MTRF1: variants seen among roughly 807,000 people sequenced by gnomAD.
The protein encoded by MTRF1 is mitochondrial translation release factor 1, also known as peptide chain release factor 1, mitochondrial.
MTRF1 carries 51 observed loss-of-function variants against 62.9 expected under a neutral mutation model. That is an observed-to-expected ratio of 0.81 (90% CI 0.65 to 1.02). The LOEUF (loss-of-function observed/expected upper bound fraction) is 1.02, where lower values mean the gene tolerates loss of function less well. Among genes scored for constraint, MTRF1 ranks in the 50% least tolerant of loss-of-function variants. MTRF1 has a pLI of 0.00. For synonymous variants in MTRF1, 158 were observed against 181.9 expected, an observed-to-expected ratio of 0.87 and a Z score of 1.06; for missense variants, 446 against 530.0, an observed-to-expected ratio of 0.84 and a Z score of 1.56.
chr13:41,226,621 T>G, intron 7 of MTRF1, 53 bp from the exon 8 acceptor site: 1 of 1,592,856 alleles, frequency 6.3e-7, no homozygotes, highest in Admixed American at 1.7e-5. Flanking sequence ...CAAATTAAGA[T>G]AGAACCAAGG....
At chr13:41,286,349 C>T in the MTRF1 span, among the ~76,000 whole-genome samples, 1 of 152,158 alleles carries the variant, frequency 6.6e-6, no homozygotes, top group African/African-American at 2.4e-5. Flanking sequence ...AACACTTGAT[C>T]CACTACATAG....
At chr13:41,276,620 C>G in the MTRF1 span, among the ~76,000 whole-genome samples, 1 of 152,112 alleles carries the variant, frequency 6.6e-6, no homozygotes, top group Admixed American at 6.6e-5. Flanking sequence ...GTGATCTGAT[C>G]TAGCCAACCC....
At chr13:41,269,478 A>C in the MTRF1 span, among the ~76,000 whole-genome samples, 1 of 151,946 alleles carries the variant, frequency 6.6e-6, no homozygotes, top group Non-Finnish European at 1.5e-5. Flanking sequence ...GATTACAGGA[A>C]TGAGCAACCA....
intron 5 of MTRF1, among the ~76,000 whole-genome samples, chr13:41,241,116 C>T (rs1294011059): frequency 1.3e-5 from 2 of 152,166 alleles, no homozygotes; most frequent in Non-Finnish European, 2.9e-5. Context: ...GCAATCTCGG[C>T]TCGCTACAAC....
chr13:41,217,369 A>T (rs2032100397), intron 9 of MTRF1, 141 bp from the exon 10 acceptor site: 1 of 480,804 alleles, frequency 2.1e-6, no homozygotes, highest in African/African-American at 2.0e-5. Context: ...AATGAACACA[A>T]TCGCTAACTT....
chr13:41,298,596 T>C, the MTRF1 span, among the ~76,000 whole-genome samples: 8 of 152,264 alleles, frequency 5.3e-5, no homozygotes, highest in Non-Finnish European at 7.3e-5. Flanking sequence ...ATCTAATCTT[T>C]GGCTTTACTT....
chr13:41,309,435 C>T, the MTRF1 span, among the ~76,000 whole-genome samples: 1 of 151,756 alleles, frequency 6.6e-6, no homozygotes, highest in African/African-American at 2.4e-5. Flanking sequence ...GGTGATCCGC[C>T]TGCCTCAGCC....
chr13:41,227,576 G>A (rs2034680098), intron 7 of MTRF1, among the ~76,000 whole-genome samples: 1 of 152,116 alleles, frequency 6.6e-6, no homozygotes. Flanking sequence ...TTGAGGCTGT[G>A]TTGTTCTTAA....
chr13:41,261,812 G>A (rs927338501), intron 1 of MTRF1: 8 of 984,702 alleles, frequency 8.1e-6, no homozygotes, highest in Admixed American at 6.2e-5. Context: ...AATGCTTCCC[G>A]TTTAGCTGAG....
At chr13:41,273,368 C>T in the MTRF1 span, among the ~76,000 whole-genome samples, 345 of 152,036 alleles carry the variant, frequency 2.3e-3, 2 homozygotes, top group African/African-American at 8.0e-3. Flanking sequence ...ACTTGGAAGC[C>T]CTCCATGGTT....
intron 2 of MTRF1, among the ~76,000 whole-genome samples, chr13:41,259,108 C>T (rs142109504): frequency 3.3e-5 from 5 of 152,184 alleles, no homozygotes; most frequent in Admixed American, 6.5e-5. Flanking sequence ...ATTGAAAGGG[C>T]GGATAATAAG....
chr13:41,222,888 G>C (rs1258063153), intron 9 of MTRF1, among the ~76,000 whole-genome samples: 2 of 152,166 alleles, frequency 1.3e-5, no homozygotes, highest in Non-Finnish European at 2.9e-5. Context: ...CTGACCTACA[G>C]AAATCATGAG....
chr13:41,299,311 T>G, the MTRF1 span, among the ~76,000 whole-genome samples: 2 of 152,336 alleles, frequency 1.3e-5, no homozygotes, highest in African/African-American at 4.8e-5. Context: ...TTGCAGAGAA[T>G]TGGCTTTATC....
At chr13:41,257,861 C>A in intron 2 of MTRF1, 3 of 370,818 alleles carry the variant, frequency 8.1e-6, no homozygotes, top group Non-Finnish European at 1.1e-5. Flanking sequence ...GTTACCTGAG[C>A]ATTCAAATGA....
the MTRF1 span, chr13:41,311,532 C>G: frequency 6.2e-7 from 1 of 1,604,830 alleles, no homozygotes; most frequent in Non-Finnish European, 8.5e-7. Flanking sequence ...GGCCACGATG[C>G]CGAACGTGCT....
intron 2 of MTRF1, among the ~76,000 whole-genome samples, chr13:41,254,864 A>G (rs944972965): frequency 6.6e-6 from 1 of 152,016 alleles, no homozygotes; most frequent in Non-Finnish European, 1.5e-5. Context: ...TTTTTTTTAA[A>G]GGTAAAATAG....
chr13:41,308,021 G>A, the MTRF1 span, among the ~76,000 whole-genome samples: 4 of 152,104 alleles, frequency 2.6e-5, no homozygotes, highest in Admixed American at 6.5e-5. Context: ...ATGCTGGCAC[G>A]GAACTGTGTG....
At chr13:41,238,208 A>C (rs2036974273) in intron 6 of MTRF1, among the ~76,000 whole-genome samples, 1 of 152,174 alleles carries the variant, frequency 6.6e-6, no homozygotes, top group Non-Finnish European at 1.5e-5. Context: ...TCTAAGTCTG[A>C]GGCAGGATAG....
intron 9 of MTRF1, chr13:41,220,522 A>T (rs1279439548): frequency 8.6e-7 from 1 of 1,169,404 alleles, no homozygotes; most frequent in Non-Finnish European, 1.1e-6. Context: ...CGATAAATAA[A>T]AGTAAGAAAG....
Sources: allele counts gnomAD v4.1 joint callset (sites outside exome capture counted in the v4.1 genomes callset), GRCh38; gene constraint gnomAD v4.1.1; transcripts MANE v1.5; gene names NCBI Gene and HGNC (gene_info 2026-07-23, HGNC 2026-07-21).